Variants in FGD6 observed in about 807,000 individuals in gnomAD.
FGD6 encodes FYVE, RhoGEF and PH domain containing 6.
FGD6 carries 90 observed loss-of-function variants against 149.4 expected under a neutral mutation model. The observed-to-expected ratio is 0.60, with a 90% CI of 0.51 to 0.72. The LOEUF (loss-of-function observed/expected upper bound fraction) is 0.72, where lower values mean the gene tolerates loss of function less well. Among genes scored for constraint, FGD6 ranks in the 30% least tolerant of loss-of-function variants. The pLI is 0.00. For synonymous variants in FGD6, 527 were observed against 584.0 expected, an observed-to-expected ratio of 0.90 and a Z score of 1.41; for missense variants, 1,437 against 1,684.8, an observed-to-expected ratio of 0.85 and a Z score of 2.57.
intron 2 of FGD6, among the ~76,000 whole-genome samples, chr12:95,196,131 CA>C (rs1304553218): frequency 1.3e-5 from 2 of 151,990 alleles, no homozygotes; most frequent in Non-Finnish European, 2.9e-5. Context: ...CAAAACAAAA[CA>C]AAACAAAACA....
chr12:95,081,254 C>G lies in FGD6; in HGVS notation c.*266G>C. 1 of 298,266 alleles carries G rather than the reference C, an allele frequency of 3.4e-6. No homozygotes were observed. Among genetic ancestry groups the G allele is most frequent in the South Asian group, 7.3e-5 (1 of 13,694 alleles). The allele number at this position is 298,266 out of a possible 1,614,324, so 18.5% of individuals were successfully genotyped here. A position where few individuals can be genotyped will look rare whatever the true frequency, so the allele number is the denominator to read the frequency against. ...AGTATTAAGATAGTTTTTCTGGTCT[C>G]TAAAGAAATGGTACTTTAGAATTCA... On this transcript the variant is annotated 3_prime_UTR_variant, in exon 21 of 21. Coordinates refer to ENST00000343958, the MANE Select transcript of FGD6 (RefSeq NM_018351.4).
At chr12:95,149,351 C>CATATATTATATA (rs1403839500) in intron 5 of FGD6, among the ~76,000 whole-genome samples, 13 of 101,338 alleles carry the variant, frequency 1.3e-4, no homozygotes, top group African/African-American at 5.1e-4. Flanking sequence ...TAATATATAG[C>CATATATTATATA]ATATATTATA....
At chr12:95,100,724 G>A (rs1237177230) in intron 14 of FGD6, 1 of 526,880 alleles carries the variant, frequency 1.9e-6, no homozygotes, top group Non-Finnish European at 3.8e-6. Context: ...GCAACAGACA[G>A]TGCTGAGGAC....
intron 3 of FGD6, among the ~76,000 whole-genome samples, chr12:95,161,486 A>C (rs909225066): frequency 3.3e-4 from 50 of 152,060 alleles, no homozygotes; most frequent in Admixed American, 3.1e-3. Flanking sequence ...AAAGAGCAAG[A>C]CTCTGTCTCA....
chr12:95,206,390 T>C (rs2056692972), intron 2 of FGD6, among the ~76,000 whole-genome samples: 1 of 151,782 alleles, frequency 6.6e-6, no homozygotes, highest in Admixed American at 6.6e-5. Context: ...CAATTTGAAA[T>C]ATTTATGCCA....
chr12:95,117,411 T>C (rs184922340), intron 8 of FGD6, among the ~76,000 whole-genome samples: 109 of 151,664 alleles, frequency 7.2e-4, no homozygotes, highest in African/African-American at 2.6e-3. Flanking sequence ...TCTAGGGATA[T>C]GCAAGCTGCC....
chr12:95,112,827 A>C (rs1291078233), intron 9 of FGD6, among the ~76,000 whole-genome samples: 1 of 152,118 alleles, frequency 6.6e-6, no homozygotes, highest in Non-Finnish European at 1.5e-5. Context: ...CTTAAGTACT[A>C]CTAGGGCTGA....
Position 95,148,282 on chromosome 12 carries a change from CAA to C in FGD6, c.2685+4527_2685+4528del, listed in dbSNP as rs10713490. Among the ~76,000 whole-genome samples the C allele has an allele frequency of 1.8e-3, 256 of 139,038 alleles. 1 individual carries two copies. The highest frequency in any genetic ancestry group is 2.1e-3 in the Admixed American group (27 of 13,168). The allele number at this position is 139,038 out of a possible 152,430, so 91.2% of individuals were successfully genotyped here. ...AAAGTCTTCTATTCCTTTTACAATGCAAAAAAAAAAAAAAATCTATTTAGTAA... is the reference window on the plus strand; with the variant it reads ...AAAGTCTTCTATTCCTTTTACAATGCAAAAAAAAAAAAATCTATTTAGTAA... On this transcript the variant is annotated intron_variant, in intron 5 of 20. Transcript: ENST00000343958.
intron 8 of FGD6, among the ~76,000 whole-genome samples, chr12:95,134,334 A>G (rs1015856388): frequency 1.3e-5 from 2 of 152,110 alleles, no homozygotes; most frequent in Non-Finnish European, 2.9e-5. Flanking sequence ...GAGGCAAGTA[A>G]CTAGGGCTAT....
chr12:95,180,918 T>A (rs756618145), intron 2 of FGD6, among the ~76,000 whole-genome samples: 37 of 152,076 alleles, frequency 2.4e-4, no homozygotes, highest in Non-Finnish European at 4.6e-4. Context: ...TTAAAGATAT[T>A]TTCTCCTGTT....
At chr12:95,185,379 C>T (rs538999332) in intron 2 of FGD6, among the ~76,000 whole-genome samples, 1 of 152,214 alleles carries the variant, frequency 6.6e-6, no homozygotes, top group African/African-American at 2.4e-5. Context: ...TAAACATTCG[C>T]TTCTGACAGG....
At chr12:95,203,531 A>ACCCT (rs1447765004) in intron 2 of FGD6, among the ~76,000 whole-genome samples, 8 of 152,236 alleles carry the variant, frequency 5.3e-5, no homozygotes, top group Admixed American at 5.2e-4. Flanking sequence ...TTTCTTTAAT[A>ACCCT]CCCTATTCAG....
chr12:95,122,824 G>A (rs1274891245), intron 8 of FGD6, among the ~76,000 whole-genome samples: 4 of 151,858 alleles, frequency 2.6e-5, no homozygotes, highest in Non-Finnish European at 4.4e-5. Context: ...GCTCATGCCT[G>A]TAATCCCAGC....
chr12:95,129,203 A>G (rs972380624), intron 8 of FGD6, among the ~76,000 whole-genome samples: 6 of 152,234 alleles, frequency 3.9e-5, no homozygotes, highest in African/African-American at 1.4e-4. Flanking sequence ...GAAGGATTTC[A>G]GTCCTTTCCA....
At chr12:95,112,707 G>A (rs926808053) in intron 9 of FGD6, among the ~76,000 whole-genome samples, 1 of 152,168 alleles carries the variant, frequency 6.6e-6, no homozygotes, top group African/African-American at 2.4e-5. Context: ...GTGTATCTGC[G>A]AGAGAGGGAG....
At chr12:95,118,348 C>A (rs925234550) in intron 8 of FGD6, among the ~76,000 whole-genome samples, 445 of 121,834 alleles carry the variant, frequency 3.7e-3, no homozygotes, top group Admixed American at 3.9e-3. Context: ...GACTCTGTCT[C>A]AAAAAAAAAA....
chr12:95,180,098 G>A (rs1881238782), intron 2 of FGD6, among the ~76,000 whole-genome samples: 1 of 149,624 alleles, frequency 6.7e-6, no homozygotes, highest in Non-Finnish European at 1.5e-5. Context: ...AAAAAAGGAG[G>A]TAGATCTATG....
intron 9 of FGD6, among the ~76,000 whole-genome samples, chr12:95,112,613 A>G (rs1878865250): frequency 6.6e-6 from 1 of 152,182 alleles, no homozygotes; most frequent in African/African-American, 2.4e-5. Flanking sequence ...CAAAAAAAGA[A>G]CAAGGGGTAT....
intron 2 of FGD6, among the ~76,000 whole-genome samples, chr12:95,198,716 G>A (rs1028075452): frequency 1.3e-5 from 2 of 152,154 alleles, no homozygotes; most frequent in Non-Finnish European, 2.9e-5. Context: ...GGTTACAGGC[G>A]TGAGCCACTG....
Sources: allele counts gnomAD v4.1 joint callset (sites outside exome capture counted in the v4.1 genomes callset), GRCh38; gene constraint gnomAD v4.1.1; transcripts MANE v1.5; gene names NCBI Gene and HGNC (gene_info 2026-07-23, HGNC 2026-07-21).